The following SYT1 variants were observed in gnomAD, a reference collection of about 807,000 sequenced individuals.
The protein encoded by SYT1 is synaptotagmin-1.
Under a neutral mutation model 44.8 loss-of-function variants are expected in SYT1, and 8 were observed. The ratio of observed to expected loss-of-function variants is 0.18; its 90% confidence interval spans 0.10 to 0.32. The LOEUF is 0.32. Among genes scored for constraint, SYT1 ranks in the 10% least tolerant of loss-of-function variants. The pLI, the probability that SYT1 is intolerant of heterozygous loss-of-function variation, is 1.00. For missense variants in SYT1, 286 were observed against 509.3 expected (o/e 0.56, Z 4.22); for synonymous variants, 154 against 188.8 (o/e 0.82, Z 1.51).
chr12:79,126,259 GTTTTGT>G (rs1274963399), intron 3 of SYT1, among the ~76,000 whole-genome samples: 1 of 151,986 alleles, frequency 6.6e-6, no homozygotes, highest in Non-Finnish European at 1.5e-5. Context: ...GTTTTGTTTT[GTTTTGT>G]TTTTGTTTTT....
intron 9 of SYT1, among the ~76,000 whole-genome samples, chr12:79,424,953 CTTT>C (rs398040025): frequency 2.3e-4 from 20 of 85,246 alleles, no homozygotes; most frequent in Middle Eastern, 0.019. Context: ...TTTTCTTCTT[CTTT>C]TTTTTTTTTT....
At chr12:78,897,605 A>G (rs1218895800) in intron 1 of SYT1, among the ~76,000 whole-genome samples, 1 of 152,028 alleles carries the variant, frequency 6.6e-6, no homozygotes, top group Non-Finnish European at 1.5e-5. Context: ...TAGATTTCAT[A>G]TGCTGATATG....
chr12:79,443,184 C>T (rs1185989729), intron 9 of SYT1, among the ~76,000 whole-genome samples: 6 of 152,054 alleles, frequency 3.9e-5, no homozygotes, highest in Non-Finnish European at 7.4e-5. Context: ...CAGTGTGTAC[C>T]GGTCTCTTCT....
intron 1 of SYT1, among the ~76,000 whole-genome samples, chr12:78,920,530 T>C (rs773256361): frequency 7.3e-5 from 11 of 150,972 alleles, no homozygotes; most frequent in Admixed American, 2.7e-4. Flanking sequence ...AATTTCTTCT[T>C]TTACCCACTT....
chr12:79,349,710 C>T (rs867843103), intron 8 of SYT1, among the ~76,000 whole-genome samples: 6 of 152,168 alleles, frequency 3.9e-5, no homozygotes, highest in African/African-American at 1.4e-4. Flanking sequence ...TAGTCCCCAT[C>T]ACCATAATCC....
At chr12:79,166,829 T>C (rs530031812) in intron 3 of SYT1, among the ~76,000 whole-genome samples, 2 of 152,150 alleles carry the variant, frequency 1.3e-5, no homozygotes, top group South Asian at 4.1e-4. Context: ...TTGGACTTGG[T>C]AGTTGAAAAA....
intron 3 of SYT1, among the ~76,000 whole-genome samples, chr12:79,048,409 A>G (rs1341593266): frequency 6.6e-6 from 1 of 151,878 alleles, no homozygotes; most frequent in Non-Finnish European, 1.5e-5. Context: ...GGTATAATTA[A>G]TCATCATCAC....
chr12:79,121,490 C>T (rs1482216945), intron 3 of SYT1, among the ~76,000 whole-genome samples: 1 of 152,168 alleles, frequency 6.6e-6, no homozygotes, highest in Non-Finnish European at 1.5e-5. Context: ...TTCAACATTG[C>T]TAGCCTCTCT....
At chr12:79,043,018 C>T (rs1393329209) in intron 2 of SYT1, among the ~76,000 whole-genome samples, 15 of 145,558 alleles carry the variant, frequency 1.0e-4, no homozygotes, top group African/African-American at 3.9e-4. Context: ...TGTTCTTTTA[C>T]ATTTGCTGAG....
intron 4 of SYT1, among the ~76,000 whole-genome samples, chr12:79,254,963 G>C (rs1261615519): frequency 3.3e-5 from 5 of 152,166 alleles, no homozygotes; most frequent in Non-Finnish European, 7.4e-5. Flanking sequence ...ATTTACTCCT[G>C]GTGAAGATAC....
intron 3 of SYT1, among the ~76,000 whole-genome samples, chr12:79,212,703 CT>C (rs1327305781): frequency 6.6e-6 from 1 of 152,090 alleles, no homozygotes; most frequent in Non-Finnish European, 1.5e-5. Context: ...AGTAAGATGA[CT>C]TGTGTCTTCC....
At chr12:79,008,374 C>T (rs940647062) in intron 2 of SYT1, among the ~76,000 whole-genome samples, 2 of 152,002 alleles carry the variant, frequency 1.3e-5, no homozygotes, top group African/African-American at 4.8e-5. Context: ...CATGTAGAAT[C>T]GTATAAGCCA....
At chr12:79,291,287 AC>A (rs1220040801) in intron 5 of SYT1, among the ~76,000 whole-genome samples, 1 of 152,166 alleles carries the variant, frequency 6.6e-6, no homozygotes, top group Non-Finnish European at 1.5e-5. Context: ...TTTGTTTTTG[AC>A]AGAACTGCAA....
intron 3 of SYT1, among the ~76,000 whole-genome samples, chr12:79,121,994 C>T (rs924057883): frequency 9.2e-5 from 14 of 152,210 alleles, no homozygotes; most frequent in Non-Finnish European, 1.9e-4. Context: ...TTTAACCACA[C>T]AGATTAATGA....
intron 3 of SYT1, among the ~76,000 whole-genome samples, chr12:79,148,740 T>TA (rs1870080482): frequency 6.6e-6 from 1 of 152,156 alleles, no homozygotes; most frequent in African/African-American, 2.4e-5. Flanking sequence ...TGCAAAAACT[T>TA]AAATTAATCC....
At chr12:79,000,250 T>C (rs1490833031) in intron 2 of SYT1, among the ~76,000 whole-genome samples, 1 of 151,908 alleles carries the variant, frequency 6.6e-6, no homozygotes, top group Non-Finnish European at 1.5e-5. Context: ...ACATAAGTGG[T>C]ATTTAAAAAT....
intron 1 of SYT1, among the ~76,000 whole-genome samples, chr12:78,919,272 T>C (rs1876846628): frequency 6.6e-6 from 1 of 151,950 alleles, no homozygotes; most frequent in Non-Finnish European, 1.5e-5. Context: ...TTGAGCAAAA[T>C]AATGATGGGT....
intron 4 of SYT1, among the ~76,000 whole-genome samples, chr12:79,284,390 A>G (rs1301432334): frequency 6.6e-6 from 1 of 152,180 alleles, no homozygotes; most frequent in Non-Finnish European, 1.5e-5. Flanking sequence ...TCTAAAAATC[A>G]TCCGTCCTCC....
At chr12:79,431,282 C>T (rs1869759975) in intron 9 of SYT1, among the ~76,000 whole-genome samples, 1 of 152,168 alleles carries the variant, frequency 6.6e-6, no homozygotes, top group Admixed American at 6.5e-5. Flanking sequence ...ACTCTCACTT[C>T]TCAGAGACAG....
Sources: gnomAD v4.1 joint callset for allele counts (sites outside exome capture counted in the v4.1 genomes callset) on GRCh38, gnomAD v4.1.1 for gene constraint, MANE v1.5 for transcripts, NCBI Gene and HGNC (gene_info 2026-07-23, HGNC 2026-07-21) for gene names.